The following GALNT15 variants were observed in gnomAD, a reference collection of about 807,000 sequenced individuals.
GALNT15 encodes the protein UDP-GalNAc transferase T15.
A neutral mutation model predicts 66.8 loss-of-function variants in GALNT15; 67 were observed. The ratio of observed to expected loss-of-function variants is 1.00; its 90% confidence interval spans 0.82 to 1.23. The LOEUF (loss-of-function observed/expected upper bound fraction) is 1.23. Among genes scored for constraint, GALNT15 ranks in the 50% most tolerant of loss-of-function variants. The pLI is 0.00. For missense variants in GALNT15, 827 were observed against 804.3 expected, an observed-to-expected ratio of 1.03 and a Z score of -0.34; for synonymous variants, 313 against 311.5, an observed-to-expected ratio of 1.00 and a Z score of -0.05.
downstream of GALNT15, chr3:16,232,049 A>G (rs1575004752): frequency 5.0e-6 from 6 of 1,211,960 alleles, no homozygotes; most frequent in East Asian, 1.6e-4. Context: ...AACTGTTCAG[A>G]GAGGGTGAAA....
At chr3:16,198,950 G>C (rs1287041688) in intron 2 of GALNT15, among the ~76,000 whole-genome samples, 1 of 142,370 alleles carries the variant, frequency 7.0e-6, no homozygotes, top group Non-Finnish European at 1.6e-5. Flanking sequence ...GAACTGGGGG[G>C]GAAATTCTTG....
chr3:16,200,713 G>T lies in GALNT15; in HGVS notation c.801G>T (p.Arg267=). 1 of 1,611,732 alleles carries T rather than the reference G, an allele frequency of 6.2e-7. No homozygotes were observed. The highest frequency in any genetic ancestry group is 8.5e-7 in the Non-Finnish European group (1 of 1,178,986). ...SNKRLGAIRA[R]MLGATRATGD... ...AGAGGCTGGGTGCCATCAGGGCCCGGATGCTGGGGGCCACCAGAGCCACCG... is the reference window on the plus strand; with the variant it reads ...AGAGGCTGGGTGCCATCAGGGCCCGTATGCTGGGGGCCACCAGAGCCACCG... The change falls in exon 3 of 10, where the codon CGG becomes CGT. Residue 267 remains arginine, a synonymous_variant. Transcript: ENST00000339732. The surrounding 1 kb of genome is among the most constrained non-coding windows in gnomAD (Gnocchi z 4.4).
intron 2 of GALNT15, among the ~76,000 whole-genome samples, chr3:16,197,435 G>A (rs188202572): frequency 2.9e-4 from 44 of 152,120 alleles, no homozygotes; most frequent in African/African-American, 1.1e-3. Context: ...ATTTCTGCAG[G>A]TCCCTCTCCT....
Position 16,224,835 on chromosome 3 carries a change from C to T in GALNT15, c.1773+2077C>T, listed in dbSNP as rs2063988417. Among the ~76,000 whole-genome samples, 1 of 151,880 alleles carries T rather than the reference C, an allele frequency of 6.6e-6. No homozygotes were observed. The highest frequency in any genetic ancestry group is 1.5e-5 in the Non-Finnish European group (1 of 67,956). On this transcript the variant is annotated intron_variant, in intron 9 of 9. Transcript: ENST00000339732. The surrounding 1 kb of genome is among the most constrained non-coding windows in gnomAD (Gnocchi z 5.2). ...ATTTTTAGTAGAGACGGGGTTTCCT[C>T]CATGTTGGCCAGGCTGGTCTCGAAC...
rs11551245 is a variant in GALNT15, at chr3:16,219,503, C to T, written c.1493C>T (p.Pro498Leu). 1 of 1,614,218 alleles carries T rather than the reference C, an allele frequency of 6.2e-7. No homozygotes were observed. Among genetic ancestry groups the T allele is most frequent in the Non-Finnish European group, 8.5e-7 (1 of 1,180,040 alleles). The change falls in exon 7 of 10, where the codon CCA (proline) becomes CTA (leucine). Residue 498 changes from proline (P) to leucine (L), a missense_variant. Pro to Leu is a moderately conservative substitution (Grantham distance 98, BLOSUM62 -3). Transcript: ENST00000339732. The surrounding 1 kb of genome is among the most constrained non-coding windows in gnomAD (Gnocchi z 4.3). The part of the protein sequence containing the change: ...FLANVYPELY[P>L]SEPRPSFSGK... ...GCTAATGTCTACCCTGAGCTGTACC[C>T]ATCTGAACCCAGGCCCAGTTTCTCT...
chr3:16,212,730 C>T lies in GALNT15; in HGVS notation c.1359C>T (p.Tyr453=), dbSNP rs1477212710. The part of the protein sequence containing the change: ...TWLGSFKETF[Y]KHSPEAFSLS... ...TGGGGTCATTCAAAGAAACCTTCTA[C>T]AAGCATAGCCCAGAGGCCTTCTCCT... The change falls in exon 6 of 10, where the codon TAC becomes TAT. Residue 453 remains tyrosine, a synonymous_variant. Transcript: ENST00000339732. The T allele has an allele frequency of 6.8e-6, 11 of 1,613,646 alleles. No individual in the cohort carries two copies. The East Asian group carries it at 2.0e-4, about 29-fold the overall frequency.
At chr3:16,202,407 C>T (rs575111484) in intron 3 of GALNT15, among the ~76,000 whole-genome samples, 27 of 152,242 alleles carry the variant, frequency 1.8e-4, no homozygotes, top group East Asian at 5.8e-4. Context: ...CCGAGGCAGA[C>T]GGATCACCTG....
rs149803620 is a variant in GALNT15, at chr3:16,212,687, G to T, written c.1316G>T (p.Arg439Leu). The T allele has an allele frequency of 2.5e-6, 4 of 1,614,046 alleles. No individual in the cohort carries two copies. Among genetic ancestry groups the T allele is most frequent in the Non-Finnish European group, 1.7e-6 (2 of 1,180,018 alleles). Residue 439 changes from arginine to leucine, a missense_variant, in exon 6 of 10, where the codon CGC (arginine) becomes CTC (leucine). Coordinates refer to ENST00000339732, the MANE Select transcript of GALNT15 (RefSeq NM_054110.5). The stretch of plus-strand genomic sequence containing the variant: ...GAGGCCACCCTGAGGAACAGGGTTC[G>T]CATTGCTGAGACCTGGCTGGGGTCA... ...DQEATLRNRV[R>L]IAETWLGSFK...
At chr3:16,213,544 T>C (rs1446725536) in intron 6 of GALNT15, among the ~76,000 whole-genome samples, 2 of 151,738 alleles carry the variant, frequency 1.3e-5, no homozygotes, top group Non-Finnish European at 2.9e-5. Context: ...ACATTATCAA[T>C]TGGTCAGTGG....
In GALNT15 at chr3:16,175,780, T is replaced by A; in HGVS notation, c.539+90T>A. 1 of 1,191,076 alleles carries A rather than the reference T, an allele frequency of 8.4e-7. No homozygotes were observed. The highest frequency in any genetic ancestry group is 1.2e-6 in the Non-Finnish European group (1 of 867,920). 73.8% of individuals were successfully genotyped at this position (1,191,076 alleles called of 1,614,324 possible). A position where few individuals can be genotyped will look rare whatever the true frequency, so the allele number is the denominator to read the frequency against. ...GAATGCAAACTTTCCGTAGCCTGCC[T>A]CTCCTGACTTAGAGCAAGTGCTTTT... is the stretch of plus-strand genomic sequence containing the variant. On this transcript the variant is annotated intron_variant, in intron 1 of 9. Transcript: ENST00000339732. The surrounding 1 kb of genome is among the most constrained non-coding windows in gnomAD (Gnocchi z 5.6).
rs1236467816 is a variant in GALNT15 at position 16,211,413 on chromosome 3, T to G, written c.1197+172T>G. Reference sequence around the variant, plus strand: ...CTCCCATTTCTCACAGTTTCCCATCTCTCCTGTGCTGTAGCTTGGTTTCAC... The same window carrying G: ...CTCCCATTTCTCACAGTTTCCCATCGCTCCTGTGCTGTAGCTTGGTTTCAC... On this transcript the variant is annotated intron_variant, in intron 5 of 9. Coordinates refer to ENST00000339732, the MANE Select transcript of GALNT15 (RefSeq NM_054110.5). This position sits in a 1 kb window ranked among gnomAD's most constrained non-coding sequence, Gnocchi z 4.3. Among the ~76,000 whole-genome samples, 2 of 152,132 alleles carry G rather than the reference T, an allele frequency of 1.3e-5. No individual in the cohort carries two copies. Among genetic ancestry groups the G allele is most frequent in the Non-Finnish European group, 2.9e-5 (2 of 68,020 alleles).
intron 1 of GALNT15, among the ~76,000 whole-genome samples, chr3:16,190,567 G>A: frequency 6.6e-6 from 1 of 151,082 alleles, no homozygotes; most frequent in African/African-American, 2.4e-5. Flanking sequence ...GAGCCCGGGA[G>A]GCGGAGCTTG....
Position 16,228,337 on chromosome 3 carries a change from G to C in GALNT15, c.*837G>C. 1 of 985,800 alleles carries C rather than the reference G, an allele frequency of 1.0e-6. No individual in the cohort carries two copies. Among genetic ancestry groups the C allele is most frequent in the Non-Finnish European group, 1.2e-6 (1 of 829,928 alleles). 61.1% of individuals were successfully genotyped at this position (985,800 alleles called of 1,614,324 possible). A position where few individuals can be genotyped will look rare whatever the true frequency, so the allele number is the denominator to read the frequency against. On this transcript the variant is annotated 3_prime_UTR_variant, in exon 10 of 10. Transcript: ENST00000339732. ...TTTGAGCATTCCCATTAACAAAGGT[G>C]TTCACAGTTGAGAAACTCTCCTGCC...
intron 6 of GALNT15, among the ~76,000 whole-genome samples, chr3:16,215,916 A>AAACAAAACAAAAAAAAAAAAAAAC (rs1019009823): frequency 4.2e-5 from 6 of 143,452 alleles, no homozygotes; most frequent in Admixed American, 7.2e-5. Context: ...CAAAAAAAAA[A>AAACAAAACAAAAAAAAAAAAAAAC]AAAAAAAAAG....
chr3:16,232,179 G>C (rs935592893), downstream of GALNT15, among the ~76,000 whole-genome samples: 2 of 151,892 alleles, frequency 1.3e-5, no homozygotes, highest in Non-Finnish European at 2.9e-5. Flanking sequence ...CCTCCTCCCA[G>C]CTGAACATCT....
chr3:16,241,232 A>G, the GALNT15 span, among the ~76,000 whole-genome samples: 1 of 152,098 alleles, frequency 6.6e-6, no homozygotes, highest in Non-Finnish European at 1.5e-5. The surrounding 1 kb of genome is among the most constrained non-coding windows in gnomAD (Gnocchi z 4.6). Flanking sequence ...AGTCCCTAGC[A>G]TAGTATCTGA....
chr3:16,245,416 C>A, the GALNT15 span, among the ~76,000 whole-genome samples: 1 of 152,264 alleles, frequency 6.6e-6, no homozygotes, highest in Non-Finnish European at 1.5e-5. Flanking sequence ...CATTCAGTCT[C>A]CAACTTAGGC....
In GALNT15 at chr3:16,175,572, G is replaced by A. The variant is rs201117736; in HGVS notation, c.421G>A (p.Gly141Arg). The A allele has an allele frequency of 1.9e-5, 31 of 1,613,894 alleles. No homozygotes were observed. The Admixed American group carries it at 2.0e-4, about 10-fold the overall frequency. Residue 141 changes from glycine to arginine, a missense_variant, in exon 1 of 10, where the codon GGG (glycine) becomes AGG (arginine). Transcript: ENST00000339732. This position sits in a 1 kb window ranked among gnomAD's most constrained non-coding sequence, Gnocchi z 5.6. ...PKRDWGADED[G>R]EVSEEEELTP... Reference sequence around the variant, plus strand: ...GAGGGACTGGGGGGCTGATGAGGACGGGGAGGTGTCTGAAGAAGAGGAGTT... The same window carrying A: ...GAGGGACTGGGGGGCTGATGAGGACAGGGAGGTGTCTGAAGAAGAGGAGTT...
chr3:16,190,559 G>T (rs959588535), intron 1 of GALNT15, among the ~76,000 whole-genome samples: 1 of 150,548 alleles, frequency 6.6e-6, no homozygotes, highest in Non-Finnish European at 1.5e-5. Flanking sequence ...AATGGCGTGA[G>T]CCCGGGAGGC....
Sources: allele counts gnomAD v4.1 joint callset (sites outside exome capture counted in the v4.1 genomes callset), GRCh38; gene constraint gnomAD v4.1.1; non-coding constraint Gnocchi (gnomAD v3.1); transcripts MANE v1.5; gene names NCBI Gene and HGNC (gene_info 2026-07-23, HGNC 2026-07-21).